PGM2: variants seen among roughly 807,000 people sequenced by gnomAD.
The protein encoded by PGM2 is phosphopentomutase.
PGM2 carries 57 observed loss-of-function variants against 74.6 expected under a neutral mutation model. The observed-to-expected ratio is 0.76, with a 90% confidence interval of 0.62 to 0.95. The LOEUF (loss-of-function observed/expected upper bound fraction) is 0.95, where lower values mean the gene tolerates loss of function less well. PGM2 is among the 40% of genes least tolerant of loss of function. PGM2 has a pLI of 0.00. For missense variants in PGM2, 706 were observed against 741.9 expected, an observed-to-expected ratio of 0.95 and a Z score of 0.56; for synonymous variants, 273 against 260.7, an observed-to-expected ratio of 1.05 and a Z score of -0.46.
Position 37,861,517 on chromosome 4 carries a change from G to A in PGM2, c.1744G>A (p.Glu582Lys), listed in dbSNP as rs1711772326. The change falls in exon 14 of 14, where the codon GAG (glutamate) becomes AAG (lysine). Residue 582 changes from glutamate to lysine, a missense_variant. Transcript: ENST00000381967. ...LCAPPGNSDP[E>K]QLKKELNELV... ...TTCCCCCTTATTTTCCAGTGATCCT[G>A]AGCAGCTGAAGAAGGAACTGAATGA... The A allele has an allele frequency of 1.2e-6, 2 of 1,608,870 alleles. No homozygotes were observed. Among genetic ancestry groups the A allele is most frequent in the South Asian group, 2.2e-5 (2 of 90,872 alleles).
rs745687869 is a variant in PGM2 at position 37,850,237 on chromosome 4, C to T, written c.1466C>T (p.Thr489Ile). The change falls in exon 12 of 14, where the codon ACC becomes ATC. Residue 489 changes from threonine to isoleucine, a missense_variant. Transcript: ENST00000381967. ...TATTTTATCTGCCATGATCAAGAAA[C>T]CATTAAGAAATTATTTGAAAACCTC... ...ASYFICHDQE[T>I]IKKLFENLRN... The T allele has an allele frequency of 7.0e-6, 11 of 1,581,680 alleles. No individual in the cohort carries two copies. The highest frequency in any genetic ancestry group is 7.7e-6 in the Non-Finnish European group (9 of 1,167,770).
rs1430228977 is a variant in PGM2 at position 37,851,961 on chromosome 4, G to GTTTTCTTTCTTTTTTTT, written c.1602+1591_1602+1592insTCTTTCTTTTTTTTTTT. 6.7e-5 allele frequency among the ~76,000 whole-genome samples: 9 copies of GTTTTCTTTCTTTTTTTT among 135,334 alleles called. 2 individuals are homozygous for GTTTTCTTTCTTTTTTTT. The highest frequency in any genetic ancestry group is 1.5e-4 in the Admixed American group (2 of 13,032). 88.8% of individuals were successfully genotyped at this position (135,334 alleles called of 152,430 possible). A position where few individuals can be genotyped will look rare whatever the true frequency, so the allele number is the denominator to read the frequency against. Reference sequence around the variant, plus strand: ...ATTGTATTTCCTGTACCTTTTGTTTGTTTGTTTTCTTTTTTTTTGGAGACA... The same window carrying GTTTTCTTTCTTTTTTTT: ...ATTGTATTTCCTGTACCTTTTGTTTGTTTTCTTTCTTTTTTTTTTTGTTTTCTTTTTTTTTGGAGACA... On this transcript the variant is annotated intron_variant, in intron 12 of 13. Transcript: ENST00000381967.
chr4:37,858,513 GTTT>G (rs34291894), intron 13 of PGM2, among the ~76,000 whole-genome samples: 1 of 135,060 alleles, frequency 7.4e-6, no homozygotes, highest in African/African-American at 2.7e-5. Flanking sequence ...ATTTTTTGGT[GTTT>G]TTTTTTTTTT....
chr4:37,861,772 T>A lies in PGM2; in HGVS notation c.*160T>A. 2.2e-6 allele frequency: 1 copy of A among 449,726 alleles called. No individual in the cohort carries two copies. Among genetic ancestry groups the A allele is most frequent in the Non-Finnish European group, 4.0e-6 (1 of 248,742 alleles). The allele number at this position is 449,726 out of a possible 1,614,324, so 27.9% of individuals were successfully genotyped here. On this transcript the variant is annotated 3_prime_UTR_variant, in exon 14 of 14. Transcript: ENST00000381967. ...ATTGTTTCATGTTTGACCTTTAAGGTGAAAAAAGAAAATGGCCAAACCCAA... is the reference window on the plus strand; with the variant it reads ...ATTGTTTCATGTTTGACCTTTAAGGAGAAAAAAGAAAATGGCCAAACCCAA...
At chr4:37,861,439 A>G in intron 13 of PGM2, 71 bp from the exon 14 acceptor site, 3 of 963,708 alleles carry the variant, frequency 3.1e-6, no homozygotes, top group South Asian at 1.3e-5. Flanking sequence ...CACTTGGTCA[A>G]TGGGGGGAGC....
intron 13 of PGM2, among the ~76,000 whole-genome samples, chr4:37,855,991 A>G (rs1186789275): frequency 2.0e-5 from 3 of 152,222 alleles, no homozygotes; most frequent in Non-Finnish European, 4.4e-5. Flanking sequence ...TCAGTATAGT[A>G]GTAAAAGTGC....
At chr4:37,836,948 G>T (rs1159789461) in intron 3 of PGM2, among the ~76,000 whole-genome samples, 15 of 152,034 alleles carry the variant, frequency 9.9e-5, no homozygotes, top group Non-Finnish European at 7.4e-5. Context: ...TCAAATTCCA[G>T]TCTGTGTGGT....
At position 37,851,961 on chromosome 4, in the gene PGM2, G is replaced by GTTTTCTTTTTTT. The variant is rs1430228977; in HGVS notation, c.1602+1591_1602+1592insTCTTTTTTTTTT. ...ATTGTATTTCCTGTACCTTTTGTTT[G>GTTTTCTTTTTTT]TTTGTTTTCTTTTTTTTTGGAGACA... On this transcript the variant is annotated intron_variant, in intron 12 of 13. Coordinates refer to ENST00000381967, the MANE Select transcript of PGM2 (RefSeq NM_018290.4). Among the ~76,000 whole-genome samples, 7 of 135,334 alleles carry GTTTTCTTTTTTT rather than the reference G, an allele frequency of 5.2e-5. 1 individual carries two copies. Among genetic ancestry groups the GTTTTCTTTTTTT allele is most frequent in the Non-Finnish European group, 6.2e-5 (4 of 64,404 alleles). The allele number at this position is 135,334 out of a possible 152,430, so 88.8% of individuals were successfully genotyped here.
At chr4:37,830,351 C>T (rs1470911110) in intron 2 of PGM2, among the ~76,000 whole-genome samples, 4 of 152,188 alleles carry the variant, frequency 2.6e-5, no homozygotes, top group Non-Finnish European at 5.9e-5. Context: ...ATTCATTTAA[C>T]ACACTTATTG....
rs1375122421 is a variant in PGM2, at chr4:37,844,424, T to C, written c.780T>C (p.His260=). Residue 260 remains histidine, a synonymous_variant, in exon 7 of 14, where the codon CAT becomes CAC. Coordinates refer to ENST00000381967, the MANE Select transcript of PGM2 (RefSeq NM_018290.4). ...FVHTSVHGVG[H]SFVQSAFKAF... is the part of the protein sequence containing the mutation. The stretch of plus-strand genomic sequence containing the variant: ...ACACCTCTGTCCATGGGGTGGGTCA[T>C]AGCTTTGTGCAGTCAGCTTTCAAGG... 5.6e-6 allele frequency: 9 copies of C among 1,613,762 alleles called. No individual in the cohort carries two copies. In the African/African-American group the frequency reaches 9.3e-5, roughly 17 times the overall value.
At chr4:37,857,285 C>G (rs1711554478) in intron 13 of PGM2, among the ~76,000 whole-genome samples, 1 of 152,116 alleles carries the variant, frequency 6.6e-6, no homozygotes, top group Non-Finnish European at 1.5e-5. Flanking sequence ...GTAATTGTGA[C>G]AACATAGACA....
chr4:37,859,656 T>C lies in PGM2; in HGVS notation c.1737-1854T>C, dbSNP rs771104771. ...ATCACAACATTAGTGTTTGAATAAC[T>C]GGAGACACTATCCTAGCCAAATTGA... On this transcript the variant is annotated intron_variant, in intron 13 of 13. Transcript: ENST00000381967. Among the ~76,000 whole-genome samples, 188 of 152,292 alleles carry C rather than the reference T, an allele frequency of 1.2e-3. 3 individuals carry two copies. Among genetic ancestry groups the C allele is most frequent in the Admixed American group, 2.2e-3 (33 of 15,268 alleles).
chr4:37,839,226 C>G (rs1339970176), intron 4 of PGM2, among the ~76,000 whole-genome samples: 1 of 147,592 alleles, frequency 6.8e-6, no homozygotes, highest in Non-Finnish European at 1.5e-5. Context: ...TCAAGTGATT[C>G]TTCTGCCTCA....
At position 37,846,690 on chromosome 4, in the gene PGM2, G is replaced by GT. The variant is rs1439537875; in HGVS notation, c.1008-240dup. 2.0e-5 allele frequency among the ~76,000 whole-genome samples: 3 copies of GT among 152,180 alleles called. No homozygotes were observed. In the East Asian group the frequency reaches 5.8e-4, roughly 29 times the overall value. On this transcript the variant is annotated intron_variant, in intron 8 of 13. Coordinates refer to ENST00000381967, the MANE Select transcript of PGM2 (RefSeq NM_018290.4). ...ATGTGTGACATACTTATTTTATACA[G>GT]TCTTCAAAGACAGGATGTCTGTTCA...
chr4:37,856,012 A>C (rs1332249432), intron 13 of PGM2, among the ~76,000 whole-genome samples: 1 of 152,166 alleles, frequency 6.6e-6, no homozygotes, highest in African/African-American at 2.4e-5. Context: ...CTTTTTCTAA[A>C]CACTTTTCAT....
intron 1 of PGM2, among the ~76,000 whole-genome samples, chr4:37,828,886 G>A (rs755550874): frequency 6.6e-6 from 1 of 152,162 alleles, no homozygotes; most frequent in African/African-American, 2.4e-5. Context: ...TCTGTAATTA[G>A]CATCTGCTGT....
chr4:37,850,010 A>G lies in PGM2; in HGVS notation c.1413-174A>G, dbSNP rs138651421. On this transcript the variant is annotated intron_variant, in intron 11 of 13. Transcript: ENST00000381967. ...TCAATGTTGGCCAGGTTGGTCTCAT[A>G]CTCCTGACCTCAGGTGATCTGCCCG... Among the ~76,000 whole-genome samples the G allele has an allele frequency of 2.5e-3, 378 of 151,414 alleles. 2 individuals carry two copies. Among genetic ancestry groups the G allele is most frequent in the African/African-American group, 8.7e-3 (361 of 41,264 alleles).
Position 37,839,931 on chromosome 4 carries a change from G to A in PGM2, c.525G>A (p.Lys175=). The A allele has an allele frequency of 6.3e-7, 1 of 1,584,864 alleles. No homozygotes were observed. Among genetic ancestry groups the A allele is most frequent in the Non-Finnish European group, 8.7e-7 (1 of 1,154,030 alleles). Residue 175 remains lysine, a splice_region_variant and synonymous_variant, in exon 5 of 14, where the codon AAG becomes AAA. Transcript: ENST00000381967. ...SHNPKQDNGY[K]VYWDNGAQII... ...ATCCAAAGCAGGATAATGGTTATAA[G>A]GTATTTTCCTTTTTCTACTCCACAC...
At chr4:37,843,389 A>G (rs1725782248) in intron 6 of PGM2, among the ~76,000 whole-genome samples, 1 of 152,168 alleles carries the variant, frequency 6.6e-6, no homozygotes, top group South Asian at 2.1e-4. Context: ...ATTCTCTTAG[A>G]TAAGACCTTG....
Sources: gnomAD v4.1 joint callset for allele counts (sites outside exome capture counted in the v4.1 genomes callset) on GRCh38, gnomAD v4.1.1 for gene constraint, MANE v1.5 for transcripts, NCBI Gene and HGNC (gene_info 2026-07-23, HGNC 2026-07-21) for gene names.